Variants in L3MBTL4 observed in about 807,000 individuals in gnomAD.
L3MBTL4 encodes L3MBTL histone methyl-lysine binding protein 4.
In L3MBTL4, 70 loss-of-function variants were observed where a neutral mutation model predicts 84.5. The ratio of observed to expected loss-of-function variants is 0.83; its 90% CI spans 0.68 to 1.01. The LOEUF is 1.01. L3MBTL4 is among the 50% of genes least tolerant of loss of function. L3MBTL4 has a pLI of 0.00. For missense variants in L3MBTL4, 715 were observed against 754.8 expected, an observed-to-expected ratio of 0.95 and a Z score of 0.62; for synonymous variants, 274 against 259.8, an observed-to-expected ratio of 1.05 and a Z score of -0.52.
chr18:6,167,756 G>T (rs1163498660), intron 13 of L3MBTL4, among the ~76,000 whole-genome samples: 1 of 152,154 alleles, frequency 6.6e-6, no homozygotes, highest in African/African-American at 2.4e-5. Flanking sequence ...CATTCCCTTT[G>T]AAAACTGGCA....
In L3MBTL4 at chr18:6,247,466, A is replaced by ATTTTTTTTTTTTTTTTTTTTT. The variant is rs71163266; in HGVS notation, c.220-2899_220-2879dup. Among the ~76,000 whole-genome samples, 13 of 49,642 alleles carry ATTTTTTTTTTTTTTTTTTTTT rather than the reference A, an allele frequency of 2.6e-4. 3 individuals are homozygous for ATTTTTTTTTTTTTTTTTTTTT. The highest frequency in any genetic ancestry group is 1.2e-3 in the African/African-American group (12 of 9,676). 32.6% of individuals were successfully genotyped at this position (49,642 alleles called of 152,430 possible). A position where few individuals can be genotyped will look rare whatever the true frequency, so the allele number is the denominator to read the frequency against. Reference sequence around the variant, plus strand: ...AGAATGCAGACTTCCCCCTCCTCTGATTTTTTTTTTTTTTTTTTTTTTTTT... The same window carrying ATTTTTTTTTTTTTTTTTTTTT: ...AGAATGCAGACTTCCCCCTCCTCTGATTTTTTTTTTTTTTTTTTTTTTTTTTTTTTTTTTTTTTTTTTTTTT... On this transcript the variant is annotated intron_variant, in intron 5 of 18. Transcript: ENST00000317931.
At chr18:6,087,552 C>T (rs1440725818) in intron 15 of L3MBTL4, among the ~76,000 whole-genome samples, 1 of 152,064 alleles carries the variant, frequency 6.6e-6, no homozygotes, top group African/African-American at 2.4e-5. Context: ...ATTTCCTGTC[C>T]AGCCAAAACC....
chr18:6,375,533 AC>A (rs1747175006), intron 1 of L3MBTL4, among the ~76,000 whole-genome samples: 1 of 152,034 alleles, frequency 6.6e-6, no homozygotes, highest in Non-Finnish European at 1.5e-5. Flanking sequence ...GGTGAGGGAC[AC>A]TTCCACAGCC....
At chr18:6,194,600 T>A (rs1364046553) in intron 12 of L3MBTL4, among the ~76,000 whole-genome samples, 41 of 152,316 alleles carry the variant, frequency 2.7e-4, no homozygotes, top group Non-Finnish European at 4.4e-5. Flanking sequence ...AAGCAGAACA[T>A]CGAACAGAAA....
intron 16 of L3MBTL4, among the ~76,000 whole-genome samples, chr18:6,050,268 C>A (rs1160865614): frequency 1.3e-5 from 2 of 152,112 alleles, no homozygotes; most frequent in Admixed American, 6.5e-5. Flanking sequence ...GACTTCTCAC[C>A]AAATCCTGTT....
chr18:5,963,343 A>G (rs1226637154), intron 17 of L3MBTL4, among the ~76,000 whole-genome samples: 3 of 152,254 alleles, frequency 2.0e-5, no homozygotes, highest in Non-Finnish European at 1.5e-5. Context: ...CAGTATCATT[A>G]GCCAAGAAAT....
chr18:6,181,063 CA>C (rs1329856050), intron 12 of L3MBTL4, among the ~76,000 whole-genome samples: 1 of 144,104 alleles, frequency 6.9e-6, no homozygotes, highest in East Asian at 1.9e-4. Flanking sequence ...TCATAGGGAC[CA>C]AAAGTAGATT....
chr18:6,309,709 T>A (rs563110048), intron 3 of L3MBTL4, among the ~76,000 whole-genome samples: 5 of 152,158 alleles, frequency 3.3e-5, no homozygotes, highest in Admixed American at 1.3e-4. Flanking sequence ...GGATTTGTGC[T>A]AATGCAGAAG....
intron 3 of L3MBTL4, among the ~76,000 whole-genome samples, chr18:6,304,014 C>CAAAAAAAAAAAAAAACAAAAAA (rs2050463959): frequency 1.9e-5 from 1 of 52,726 alleles, no homozygotes; most frequent in Non-Finnish European, 4.2e-5. Flanking sequence ...AACTCCATCT[C>CAAAAAAAAAAAAAAACAAAAAA]AAAAAAAAAA....
At chr18:6,031,379 G>A in intron 16 of L3MBTL4, 1 of 985,446 alleles carries the variant, frequency 1.0e-6, no homozygotes, top group Non-Finnish European at 1.2e-6. Context: ...GCAAGAGAAT[G>A]TATATGAGGT....
intron 3 of L3MBTL4, among the ~76,000 whole-genome samples, chr18:6,303,126 G>T (rs943077009): frequency 2.8e-4 from 42 of 152,046 alleles, no homozygotes; most frequent in Admixed American, 1.6e-3. Flanking sequence ...GTTTTTTGGG[G>T]TTTTTTTGTC....
chr18:6,165,324 C>A (rs1478130474), intron 13 of L3MBTL4, among the ~76,000 whole-genome samples: 1 of 152,090 alleles, frequency 6.6e-6, no homozygotes, highest in Non-Finnish European at 1.5e-5. Context: ...TCAGGAAATA[C>A]AGAGAATGCC....
chr18:5,987,882 T>C (rs1361321589), intron 16 of L3MBTL4, among the ~76,000 whole-genome samples: 1 of 143,376 alleles, frequency 7.0e-6, no homozygotes, highest in Non-Finnish European at 1.5e-5. Context: ...CAGGACTTAA[T>C]TCCCTGTTTA....
intron 14 of L3MBTL4, among the ~76,000 whole-genome samples, chr18:6,101,525 A>AAGC (rs1292235351): frequency 6.6e-6 from 1 of 152,088 alleles, no homozygotes; most frequent in African/African-American, 2.4e-5. Flanking sequence ...TACTTAACTA[A>AAGC]AGCACCCACG....
At chr18:6,116,169 A>G (rs1290104073) in intron 14 of L3MBTL4, among the ~76,000 whole-genome samples, 1 of 152,108 alleles carries the variant, frequency 6.6e-6, no homozygotes, top group Non-Finnish European at 1.5e-5. Context: ...GCAGGACATA[A>G]AGGGGTTTTA....
intron 1 of L3MBTL4, among the ~76,000 whole-genome samples, chr18:6,393,401 C>T (rs565758427): frequency 1.3e-5 from 2 of 152,142 alleles, no homozygotes; most frequent in African/African-American, 4.8e-5. Flanking sequence ...AGTGGTGACA[C>T]AGGGAGAGGA....
chr18:6,101,352 A>G (rs1262454960), intron 14 of L3MBTL4, among the ~76,000 whole-genome samples: 1 of 152,044 alleles, frequency 6.6e-6, no homozygotes, highest in Non-Finnish European at 1.5e-5. Flanking sequence ...CTTGATGTAT[A>G]ATGTCCAGGT....
intron 14 of L3MBTL4, among the ~76,000 whole-genome samples, chr18:6,104,773 C>T (rs1292356499): frequency 1.3e-5 from 2 of 152,134 alleles, no homozygotes; most frequent in African/African-American, 4.8e-5. Context: ...TTTATCATTC[C>T]ATAGTCTTCA....
At position 6,340,544 on chromosome 18, in the gene L3MBTL4, C is replaced by A. The variant is rs7230495; in HGVS notation, c.-90-28488G>T. Among the ~76,000 whole-genome samples the A allele has an allele frequency of 7.1e-3, 1,082 of 152,264 alleles. 18 individuals carry two copies. Among genetic ancestry groups the A allele is most frequent in the African/African-American group, 0.024 (1,014 of 41,536 alleles). The stretch of plus-strand genomic sequence containing the variant: ...ACCAAGAATATTGAGGGGATGAGTA[C>A]AATAGCATCATCTGGGGACAGCTGA... On this transcript the variant is annotated intron_variant, in intron 1 of 18. Transcript: ENST00000317931.
Sources: gnomAD v4.1 joint callset for allele counts (sites outside exome capture counted in the v4.1 genomes callset) on GRCh38, gnomAD v4.1.1 for gene constraint, MANE v1.5 for transcripts, NCBI Gene and HGNC (gene_info 2026-07-23, HGNC 2026-07-21) for gene names.